GCLM: variants seen among roughly 807,000 people sequenced by gnomAD.
GCLM encodes the protein glutamate--cysteine ligase regulatory subunit.
A neutral mutation model predicts 36.0 loss-of-function variants in GCLM; 15 were observed. The observed-to-expected ratio is 0.42, with a 90% CI of 0.28 to 0.64. GCLM has a LOEUF of 0.64. GCLM is among the 30% of genes least tolerant of loss of function. The probability of loss-of-function intolerance (pLI) is 0.25; values close to 1 mark genes in which losing one functional copy is unlikely to be tolerated. For synonymous variants in GCLM, 129 were observed against 122.8 expected, an observed-to-expected ratio of 1.05 and a Z score of -0.34; for missense variants, 242 against 325.5, an observed-to-expected ratio of 0.74 and a Z score of 1.97.
At chr1:93,902,690 A>C (rs1186563450) in intron 2 of GCLM, among the ~76,000 whole-genome samples, 3 of 152,076 alleles carry the variant, frequency 2.0e-5, no homozygotes, top group African/African-American at 7.2e-5. Flanking sequence ...AGTCCAGTTT[A>C]TCTTAGGGTT....
chr1:93,904,386 C>T lies in GCLM; in HGVS notation c.192+137G>A, dbSNP rs956298478. ...GCATAAGCCTACTGGATCAGAGTGC[C>T]GTCTCAGCAAATCAACCACAGAGAG... On this transcript the variant is annotated intron_variant, in intron 2 of 6. Coordinates refer to ENST00000370238, the MANE Select transcript of GCLM (RefSeq NM_002061.4). The T allele has an allele frequency of 4.3e-5, 29 of 673,846 alleles. 1 individual carries two copies. The highest frequency in any genetic ancestry group is 3.1e-4 in the South Asian group (20 of 63,996). The allele number at this position is 673,846 out of a possible 1,614,324, so 41.7% of individuals were successfully genotyped here.
At chr1:93,893,680 A>T (rs1270704438) in intron 6 of GCLM, among the ~76,000 whole-genome samples, 1 of 152,228 alleles carries the variant, frequency 6.6e-6, no homozygotes, top group East Asian at 1.9e-4. Flanking sequence ...CATTTATACC[A>T]AAAATATGTA....
intron 2 of GCLM, 148 bp from the exon 3 acceptor site, chr1:93,901,817 G>C: frequency 1.8e-6 from 1 of 557,302 alleles, no homozygotes; most frequent in Non-Finnish European, 3.2e-6. Context: ...GGCTTCACAA[G>C]GGTTGTAAAG....
intron 3 of GCLM, 130 bp from the exon 4 acceptor site, chr1:93,898,028 C>T (rs1656796741): frequency 4.4e-6 from 2 of 456,218 alleles, no homozygotes; most frequent in Non-Finnish European, 7.7e-6. Flanking sequence ...TTCCCAGTCA[C>T]ATAACTTTAT....
chr1:93,905,669 G>C (rs1197021398), intron 1 of GCLM, among the ~76,000 whole-genome samples: 1 of 152,066 alleles, frequency 6.6e-6, no homozygotes, highest in Non-Finnish European at 1.5e-5. Context: ...CTTTATTAAA[G>C]TGTATTTCAG....
In GCLM at chr1:93,896,813, T is replaced by C. The variant is rs761425290; in HGVS notation, c.345A>G (p.Ser115=). The change falls in exon 5 of 7, where the codon TCA becomes TCG. Residue 115 remains serine (S), a synonymous_variant. Transcript: ENST00000370238. ...STRSAVDMAC[S]VLGVAQLDSV... ...AATCCAGCTGTGCAACTCCAAGGAC[T>C]GAACAGGCTGATAGGAAGGAAGACA... The C allele has an allele frequency of 3.8e-6, 6 of 1,567,974 alleles. No individual in the cohort carries two copies. Among genetic ancestry groups the C allele is most frequent in the Non-Finnish European group, 5.3e-6 (6 of 1,137,966 alleles).
intron 1 of GCLM, among the ~76,000 whole-genome samples, chr1:93,908,262 A>G (rs1657215381): frequency 6.6e-6 from 1 of 152,228 alleles, no homozygotes; most frequent in South Asian, 2.1e-4. Flanking sequence ...ACAAATAGGT[A>G]ACAAGTTTGT....
chr1:93,902,247 G>C (rs555323007), intron 2 of GCLM, among the ~76,000 whole-genome samples: 3 of 140,830 alleles, frequency 2.1e-5, no homozygotes, highest in Admixed American at 1.5e-4. Flanking sequence ...GCACGATCTC[G>C]GCTCACTGCA....
chr1:93,889,420 T>G (rs1656447169), intron 6 of GCLM, among the ~76,000 whole-genome samples: 1 of 152,216 alleles, frequency 6.6e-6, no homozygotes, highest in Middle Eastern at 3.4e-3. Flanking sequence ...ACATCTGCAG[T>G]TTTTTAAAGA....
Position 93,889,020 on chromosome 1 carries a change from G to A in GCLM, c.795C>T (p.Tyr265=), listed in dbSNP as rs2100903165. ...AACCCCTTCTTTTAGCTTGTAAAAT[G>A]TAGCCTTTTGATTTGATAATTCCTC... The part of the protein sequence containing the change: ...KSRGIIKSKG[Y]ILQAKRRGS The change falls in exon 7 of 7, where the codon TAC becomes TAT. Residue 265 remains tyrosine, a synonymous_variant. Coordinates refer to ENST00000370238, the MANE Select transcript of GCLM (RefSeq NM_002061.4). 6.3e-7 allele frequency: 1 copy of A among 1,597,612 alleles called. No individual in the cohort carries two copies. The highest frequency in any genetic ancestry group is 1.4e-5 in the African/African-American group (1 of 74,068).
chr1:93,906,129 T>C (rs1657138338), intron 1 of GCLM, among the ~76,000 whole-genome samples: 1 of 152,248 alleles, frequency 6.6e-6, no homozygotes, highest in Non-Finnish European at 1.5e-5. Context: ...AAGAGATAAC[T>C]GGTTTATCAA....
intron 6 of GCLM, among the ~76,000 whole-genome samples, chr1:93,889,726 A>G (rs980467371): frequency 2.0e-5 from 3 of 151,546 alleles, no homozygotes; most frequent in African/African-American, 7.3e-5. Context: ...TTCCACTTAT[A>G]TTGTGAATAT....
chr1:93,900,156 G>A (rs1015500140), intron 3 of GCLM, among the ~76,000 whole-genome samples: 6 of 152,114 alleles, frequency 3.9e-5, no homozygotes, highest in Non-Finnish European at 8.8e-5. Context: ...CTAGATGAGA[G>A]TCAGTATTTA....
In GCLM at chr1:93,896,693, C is replaced by T; in HGVS notation, c.465G>A (p.Gln155=). The part of the protein sequence containing the change: ...PYWEELENLV[Q]SKKIVAIGTS... ...TACCTATGGCAACAATCTTTTTGCT[C>T]TGAACTAAGTTTTCTAATTCCTCCC... Residue 155 remains glutamine, a synonymous_variant, in exon 5 of 7, where the codon CAG becomes CAA. Transcript: ENST00000370238. The T allele has an allele frequency of 6.2e-7, 1 of 1,613,920 alleles. No homozygotes were observed. The highest frequency in any genetic ancestry group is 8.5e-7 in the Non-Finnish European group (1 of 1,179,844).
intron 3 of GCLM, among the ~76,000 whole-genome samples, chr1:93,899,236 G>C (rs961375620): frequency 2.0e-5 from 3 of 151,958 alleles, no homozygotes; most frequent in Non-Finnish European, 4.4e-5. Context: ...ACCATGCCTG[G>C]CTAATTTTTG....
intron 1 of GCLM, among the ~76,000 whole-genome samples, chr1:93,906,619 T>C (rs906443384): frequency 1.3e-5 from 2 of 152,220 alleles, no homozygotes; most frequent in African/African-American, 4.8e-5. Flanking sequence ...ACGTAGGAAA[T>C]TCATTGACTT....
Position 93,888,139 on chromosome 1 carries a change from T to TG in GCLM, c.*850dup, listed in dbSNP as rs1656392073. ...ACTGATTCTTAATTCCTAGCTCTATTGCCCCCTCCTCTCTCCAGAGCCCAC... is the reference window on the plus strand; with the variant it reads ...ACTGATTCTTAATTCCTAGCTCTATTGGCCCCCTCCTCTCTCCAGAGCCCAC... On this transcript the variant is annotated 3_prime_UTR_variant, in exon 7 of 7. Coordinates refer to ENST00000370238, the MANE Select transcript of GCLM (RefSeq NM_002061.4). 6.6e-6 allele frequency: 1 copy of TG among 152,162 alleles called. No individual in the cohort carries two copies. The highest frequency in any genetic ancestry group is 6.5e-5 in the Admixed American group (1 of 15,278). 9.4% of individuals were successfully genotyped at this position (152,162 alleles called of 1,614,324 possible). A position where few individuals can be genotyped will look rare whatever the true frequency, so the allele number is the denominator to read the frequency against.
chr1:93,891,448 T>C (rs547886690), intron 6 of GCLM, among the ~76,000 whole-genome samples: 1 of 152,324 alleles, frequency 6.6e-6, no homozygotes, highest in East Asian at 1.9e-4. Flanking sequence ...CCTCTCTGAC[T>C]GTACCATATA....
In GCLM at chr1:93,909,143, C is replaced by T. The variant is rs541424485; in HGVS notation, c.21G>A (p.Ala7=). The T allele has an allele frequency of 1.1e-5, 15 of 1,385,288 alleles. No individual in the cohort carries two copies. The African/African-American group carries it at 1.6e-4, about 15-fold the overall frequency. The allele number at this position is 1,385,288 out of a possible 1,614,324, so 85.8% of individuals were successfully genotyped here. A position where few individuals can be genotyped will look rare whatever the true frequency, so the allele number is the denominator to read the frequency against. Residue 7 remains alanine (A), a synonymous_variant, in exon 1 of 7, where the codon GCG becomes GCA. Transcript: ENST00000370238. ...GGGCCCGCGCCAGGAGCGCCTTGGC[C>T]GCGCGGCTGTCGGTGCCCATGGCAG... The part of the protein sequence containing the change: MGTDSR[A]AKALLARART...
Sources: allele counts gnomAD v4.1 joint callset (sites outside exome capture counted in the v4.1 genomes callset), GRCh38; gene constraint gnomAD v4.1.1; transcripts MANE v1.5; gene names NCBI Gene and HGNC (gene_info 2026-07-23, HGNC 2026-07-21).